Variants in CAPSL observed in about 807,000 individuals in gnomAD.
The protein encoded by CAPSL is calcyphosin-like protein.
Under a neutral mutation model 21.3 loss-of-function variants are expected in CAPSL, and 17 were observed. That is an observed-to-expected ratio of 0.80 (90% CI 0.55 to 1.20). The LOEUF (loss-of-function observed/expected upper bound fraction) is 1.20. CAPSL is among the 50% of genes most tolerant of loss of function. CAPSL has a pLI of 0.00. For synonymous variants in CAPSL, 102 were observed against 89.3 expected, an observed-to-expected ratio of 1.14 and a Z score of -0.80; for missense variants, 289 against 259.3, an observed-to-expected ratio of 1.11 and a Z score of -0.79.
intron 1 of CAPSL, among the ~76,000 whole-genome samples, chr5:35,937,197 T>C (rs529981407): frequency 6.6e-6 from 1 of 152,344 alleles, no homozygotes; most frequent in South Asian, 2.1e-4. Flanking sequence ...TTGCCCTCTG[T>C]ACTTTGTCTT....
chr5:35,929,051 G>A (rs1738754117), intron 1 of CAPSL, among the ~76,000 whole-genome samples: 1 of 152,076 alleles, frequency 6.6e-6, no homozygotes, highest in African/African-American at 2.4e-5. Context: ...CACAACACAG[G>A]GCAAGATAAA....
intron 2 of CAPSL, among the ~76,000 whole-genome samples, chr5:35,916,798 G>A (rs1046564969): frequency 1.3e-5 from 2 of 152,178 alleles, no homozygotes; most frequent in African/African-American, 4.8e-5. Context: ...TCAGGACATA[G>A]GCATGGGCAA....
chr5:35,919,160 T>TAAA (rs34779853), intron 2 of CAPSL, among the ~76,000 whole-genome samples: 2,680 of 129,134 alleles, frequency 0.021, 22 homozygotes, highest in African/African-American at 0.026. Flanking sequence ...CTTTCCTGAT[T>TAAA]AAAAAAAAAA....
intron 1 of CAPSL, among the ~76,000 whole-genome samples, chr5:35,925,056 C>T (rs931062313): frequency 6.6e-6 from 1 of 152,248 alleles, no homozygotes; most frequent in Non-Finnish European, 1.5e-5. Context: ...GAAGAGGCTG[C>T]GCTCCCGACG....
intron 2 of CAPSL, 58 bp from the exon 3 acceptor site, chr5:35,910,601 A>C (rs1442810112): frequency 1.6e-6 from 2 of 1,277,636 alleles, no homozygotes; most frequent in Non-Finnish European, 2.2e-6. Flanking sequence ...GTGTAAGTGT[A>C]AAGATTAAAA....
intron 3 of CAPSL, 46 bp downstream of exon 3, chr5:35,910,320 G>T (rs368384088): frequency 1.3e-6 from 2 of 1,584,508 alleles, no homozygotes; most frequent in Non-Finnish European, 1.7e-6. Flanking sequence ...CCCAAACCAC[G>T]TGAAAGCCAA....
chr5:35,933,280 G>T (rs1305589017), intron 1 of CAPSL, among the ~76,000 whole-genome samples: 16 of 152,162 alleles, frequency 1.1e-4, no homozygotes, highest in Non-Finnish European at 2.4e-4. Context: ...GTTTAGAGCA[G>T]AAAATTTGTC....
At chr5:35,918,063 T>G (rs956193248) in intron 2 of CAPSL, among the ~76,000 whole-genome samples, 1 of 152,142 alleles carries the variant, frequency 6.6e-6, no homozygotes, top group African/African-American at 2.4e-5. Flanking sequence ...TCCTCAAGGA[T>G]GGAGAACCAC....
intron 2 of CAPSL, among the ~76,000 whole-genome samples, chr5:35,915,857 G>T (rs1738371555): frequency 1.3e-5 from 2 of 152,160 alleles, no homozygotes; most frequent in South Asian, 4.1e-4. Context: ...TGGAAGTTGT[G>T]GCCAGAGCAA....
At chr5:35,908,313 G>T (rs1402517474) in intron 4 of CAPSL, among the ~76,000 whole-genome samples, 1 of 152,186 alleles carries the variant, frequency 6.6e-6, no homozygotes, top group Non-Finnish European at 1.5e-5. Context: ...TGAACAGCCA[G>T]AGTTGGGTAT....
At position 35,910,021 on chromosome 5, in the gene CAPSL, C is replaced by G; in HGVS notation, c.370G>C (p.Asp124His). The G allele has an allele frequency of 6.2e-7, 1 of 1,613,372 alleles. No homozygotes were observed. Among genetic ancestry groups the G allele is most frequent in the Non-Finnish European group, 8.5e-7 (1 of 1,179,802 alleles). Reference sequence around the variant, plus strand: ...GTTATAACACCATCTCCAGTCTTGTCTAACTTTCTAAAAGCTTGCATGATT... The same window carrying G: ...GTTATAACACCATCTCCAGTCTTGTGTAACTTTCTAAAAGCTTGCATGATT... ...EVIMQAFRKL[D>H]KTGDGVITIE... The change falls in exon 4 of 5, where the codon GAC becomes CAC. Residue 124 changes from aspartate (D) to histidine (H), a missense_variant. By Grantham distance (81) the Asp-to-His change is moderately conservative. Coordinates refer to ENST00000651391, the MANE Select transcript of CAPSL (RefSeq NM_001042625.2).
At chr5:35,932,579 C>A (rs1282137681) in intron 1 of CAPSL, among the ~76,000 whole-genome samples, 1 of 152,108 alleles carries the variant, frequency 6.6e-6, no homozygotes, top group Non-Finnish European at 1.5e-5. Context: ...AATTTGCCAC[C>A]CCTAAGGTTC....
At chr5:35,927,378 G>A (rs1738712842) in intron 1 of CAPSL, among the ~76,000 whole-genome samples, 2 of 152,096 alleles carry the variant, frequency 1.3e-5, no homozygotes, top group Admixed American at 1.3e-4. Context: ...CATTACATTA[G>A]CTATTTTCAA....
chr5:35,911,408 GT>G (rs1198739607), intron 2 of CAPSL, among the ~76,000 whole-genome samples: 2 of 152,168 alleles, frequency 1.3e-5, no homozygotes, highest in African/African-American at 4.8e-5. Flanking sequence ...TTGGTATAAT[GT>G]GATAAAAATG....
At chr5:35,920,535 T>C (rs1332634639) in intron 2 of CAPSL, among the ~76,000 whole-genome samples, 1 of 152,206 alleles carries the variant, frequency 6.6e-6, no homozygotes, top group Non-Finnish European at 1.5e-5. Context: ...CTATCAGTTA[T>C]CTGACAAGCA....
At chr5:35,926,033 G>A (rs1290777455) in intron 1 of CAPSL, among the ~76,000 whole-genome samples, 3 of 145,312 alleles carry the variant, frequency 2.1e-5, no homozygotes, top group African/African-American at 5.1e-5. Context: ...CCAAGATCGC[G>A]CCACTGCACT....
rs147219003 is a variant in CAPSL, at chr5:35,938,087, A to T, written c.-1+454T>A. ...GTTGTCAGTGTATAGCAGAAATAGC[A>T]TAAGTTTAAGTATCAGACAAAGCAA... On this transcript the variant is annotated intron_variant, in intron 1 of 4. Transcript: ENST00000651391. 1.3e-3 allele frequency among the ~76,000 whole-genome samples: 196 copies of T among 152,336 alleles called. 1 individual carries two copies. The highest frequency in any genetic ancestry group is 4.4e-3 in the African/African-American group (183 of 41,584).
intron 1 of CAPSL, among the ~76,000 whole-genome samples, chr5:35,934,681 A>G (rs1367812321): frequency 6.6e-6 from 1 of 152,208 alleles, no homozygotes; most frequent in African/African-American, 2.4e-5. Context: ...TTTGATTGAG[A>G]TATGAAAACC....
chr5:35,910,411 A>T lies in CAPSL; in HGVS notation c.270T>A (p.Asp90Glu). ...CATTGAAGTCTATTGTTCCATTTCC[A>T]TCTTTATCAAACCTCCGGAAAAGTT... The part of the protein sequence containing the change: ...VEELFRRFDK[D>E]GNGTIDFNEF... Residue 90 changes from aspartate to glutamate, a missense_variant, in exon 3 of 5, where the codon GAT (aspartate) becomes GAA (glutamate). Asp to Glu is a conservative substitution (Grantham distance 45, BLOSUM62 2). Coordinates refer to ENST00000651391, the MANE Select transcript of CAPSL (RefSeq NM_001042625.2). 6.2e-7 allele frequency: 1 copy of T among 1,613,964 alleles called. No homozygotes were observed. The highest frequency in any genetic ancestry group is 1.1e-5 in the South Asian group (1 of 91,058).
Sources: gnomAD v4.1 joint callset for allele counts (sites outside exome capture counted in the v4.1 genomes callset) on GRCh38, gnomAD v4.1.1 for gene constraint, MANE v1.5 for transcripts, NCBI Gene and HGNC (gene_info 2026-07-23, HGNC 2026-07-21) for gene names.